Variants in ATP5MF observed in about 807,000 individuals in gnomAD.
ATP5MF encodes ATP synthase membrane subunit f, also known as ATP synthase F(0) complex subunit f, mitochondrial.
Under a neutral mutation model 13.8 loss-of-function variants are expected in ATP5MF, and 10 were observed. The ratio of observed to expected loss-of-function variants is 0.72; its 90% CI spans 0.45 to 1.23. The LOEUF is 1.23. Ranked by LOEUF, ATP5MF falls within the 50% of genes most tolerant of loss-of-function variation. The pLI, the probability that ATP5MF is intolerant of heterozygous loss-of-function variation, is 0.00. For missense variants in ATP5MF, 122 were observed against 118.2 expected (o/e 1.03, Z -0.15); for synonymous variants, 40 against 45.8 (o/e 0.87, Z 0.51).
chr7:99,465,976 G>A (rs113214087), intron 1 of ATP5MF, 135 bp downstream of exon 1: 1 of 1,473,928 alleles, frequency 6.8e-7, no homozygotes, highest in Admixed American at 2.0e-5. Flanking sequence ...AGCGGGGTCT[G>A]GCGCGCCTCA....
chr7:99,466,038 C>A lies in ATP5MF; in HGVS notation c.31+73G>T, dbSNP rs1798858584. The A allele has an allele frequency of 1.9e-6, 3 of 1,609,626 alleles. No homozygotes were observed. The South Asian group carries it at 3.3e-5, about 18-fold the overall frequency. ...CAAAGGGCAGGCAGCTCCGCAGCTT[C>A]CTTCTCTCCCAGTGTGGCTCTGGAC... On this transcript the variant is annotated intron_variant, in intron 1 of 3. Transcript: ENST00000292475.
At chr7:99,466,001 G>A in intron 1 of ATP5MF, 110 bp downstream of exon 1, 1 of 1,569,056 alleles carries the variant, frequency 6.4e-7, no homozygotes, top group Non-Finnish European at 8.7e-7. Flanking sequence ...AGGTCGTGGC[G>A]AAGTGCCTGA....
At chr7:99,462,969 TTC>T (rs1452488907) in intron 1 of ATP5MF, among the ~76,000 whole-genome samples, 4 of 152,254 alleles carry the variant, frequency 2.6e-5, no homozygotes, top group Admixed American at 6.5e-5. Flanking sequence ...TCTAGTGCCA[TTC>T]TGGGTTTAAT....
At chr7:99,463,516 G>A (rs1051668907) in intron 1 of ATP5MF, among the ~76,000 whole-genome samples, 2 of 152,140 alleles carry the variant, frequency 1.3e-5, no homozygotes, top group African/African-American at 4.8e-5. Flanking sequence ...AGTGGCTCAC[G>A]TCTGTAATCC....
chr7:99,459,640 C>T (rs1798510115), intron 2 of ATP5MF: 1 of 246,038 alleles, frequency 4.1e-6, no homozygotes, highest in Non-Finnish European at 7.9e-6. Flanking sequence ...CTGGTCTAAA[C>T]TCGGCTCAAG....
At chr7:99,464,817 A>G (rs1451857423) in intron 1 of ATP5MF, among the ~76,000 whole-genome samples, 1 of 151,790 alleles carries the variant, frequency 6.6e-6, no homozygotes, top group Non-Finnish European at 1.5e-5. Context: ...AAAAAAAATT[A>G]GCCGGGCGTA....
At chr7:99,461,192 GATTT>G (rs1324937184) in intron 1 of ATP5MF, among the ~76,000 whole-genome samples, 5 of 152,114 alleles carry the variant, frequency 3.3e-5, no homozygotes, top group South Asian at 2.1e-4. Context: ...TCCCTGCAAA[GATTT>G]ATTTATTTAT....
chr7:99,461,239 GGCTGGAGT>G (rs1198864996), intron 1 of ATP5MF, among the ~76,000 whole-genome samples: 1 of 152,102 alleles, frequency 6.6e-6, no homozygotes, highest in African/African-American at 2.4e-5. Context: ...CCATTACCCA[GGCTGGAGT>G]GCACTGGTTA....
At chr7:99,461,011 C>G (rs1307103276) in intron 1 of ATP5MF, among the ~76,000 whole-genome samples, 1 of 152,074 alleles carries the variant, frequency 6.6e-6, no homozygotes, top group Non-Finnish European at 1.5e-5. Context: ...ACTGAACGGC[C>G]CCAGATCGTA....
intron 1 of ATP5MF, 131 bp from the exon 2 acceptor site, chr7:99,460,324 C>T (rs1388033467): frequency 2.0e-6 from 2 of 987,888 alleles, no homozygotes; most frequent in Non-Finnish European, 3.1e-6. Context: ...TGCACATACA[C>T]AATATTATGA....
At position 99,458,236 on chromosome 7, in the gene ATP5MF, A is replaced by G; in HGVS notation, c.*91T>C. On this transcript the variant is annotated 3_prime_UTR_variant, in exon 4 of 4. Coordinates refer to ENST00000292475, the MANE Select transcript of ATP5MF (RefSeq NM_004889.5). ...TTTGGAGGTTAATTCCTATTAGGAT[A>G]TGAAAGGATTCAGCAACGATTGAGA... The G allele has an allele frequency of 7.5e-7, 1 of 1,327,380 alleles. No individual in the cohort carries two copies. Among genetic ancestry groups the G allele is most frequent in the Non-Finnish European group, 1.1e-6 (1 of 947,994 alleles). 82.2% of individuals were successfully genotyped at this position (1,327,380 alleles called of 1,614,324 possible). A position where few individuals can be genotyped will look rare whatever the true frequency, so the allele number is the denominator to read the frequency against.
chr7:99,459,323 A>C, intron 2 of ATP5MF, 60 bp from the exon 3 acceptor site: 2 of 1,294,506 alleles, frequency 1.5e-6, no homozygotes, highest in Non-Finnish European at 2.2e-6. Context: ...GAAGTTGAGC[A>C]CACAGTTGAG....
At chr7:99,458,926 C>A in intron 3 of ATP5MF, 1 of 534,388 alleles carries the variant, frequency 1.9e-6, no homozygotes, top group Non-Finnish European at 3.4e-6. Context: ...CTGGCTTCAT[C>A]TTGATTTTCC....
At chr7:99,462,540 G>A (rs936866678) in intron 1 of ATP5MF, among the ~76,000 whole-genome samples, 5 of 152,128 alleles carry the variant, frequency 3.3e-5, no homozygotes, top group Non-Finnish European at 5.9e-5. Flanking sequence ...ACTGTGGGAG[G>A]CCAAGGCAGG....
intron 2 of ATP5MF, chr7:99,459,526 T>C (rs760285405): frequency 1.1e-4 from 49 of 426,456 alleles, no homozygotes; most frequent in East Asian, 5.8e-4. Context: ...TGTGAGCTTA[T>C]AGCCTCCTGA....
chr7:99,460,059 A>T, intron 2 of ATP5MF, 27 bp downstream of exon 2: 1 of 1,582,442 alleles, frequency 6.3e-7, no homozygotes, highest in Non-Finnish European at 8.6e-7. Context: ...ATTTGCTTTC[A>T]TTTACAGACA....
At chr7:99,459,958 G>T in intron 2 of ATP5MF, 128 bp downstream of exon 2, 1 of 1,089,804 alleles carries the variant, frequency 9.2e-7, no homozygotes, top group Non-Finnish European at 1.3e-6. Flanking sequence ...ATCCCTCCCT[G>T]TCATCCTCTA....
At chr7:99,463,127 C>T (rs1798691647) in intron 1 of ATP5MF, among the ~76,000 whole-genome samples, 1 of 152,192 alleles carries the variant, frequency 6.6e-6, no homozygotes, top group Non-Finnish European at 1.5e-5. Context: ...CCTGAAGGTG[C>T]GAATATCCCC....
At chr7:99,465,961 GGCGGA>G in intron 1 of ATP5MF, 145 bp downstream of exon 1, 1 of 1,396,764 alleles carries the variant, frequency 7.2e-7, no homozygotes, top group Middle Eastern at 2.1e-4. Context: ...CGCCTGGGCA[GGCGGA>G]GCGGGGTCTG....
Sources: gnomAD v4.1 joint callset for allele counts (sites outside exome capture counted in the v4.1 genomes callset) on GRCh38, gnomAD v4.1.1 for gene constraint, MANE v1.5 for transcripts, NCBI Gene and HGNC (gene_info 2026-07-23, HGNC 2026-07-21) for gene names.